FBXL20: variants seen among roughly 807,000 people sequenced by gnomAD.
FBXL20 encodes the protein F-box and leucine rich repeat protein 20.
A neutral mutation model predicts 64.0 loss-of-function variants in FBXL20; 11 were observed. The ratio of observed to expected loss-of-function variants is 0.17; its 90% confidence interval spans 0.11 to 0.28. The LOEUF (loss-of-function observed/expected upper bound fraction) is 0.28. Ranked by LOEUF, FBXL20 falls within the 10% of genes least tolerant of loss-of-function variation. The probability of loss-of-function intolerance (pLI) is 1.00; values close to 1 mark genes in which losing one functional copy is unlikely to be tolerated. For synonymous variants in FBXL20, 184 were observed against 189.0 expected, an observed-to-expected ratio of 0.97 and a Z score of 0.22; for missense variants, 303 against 526.2, an observed-to-expected ratio of 0.58 and a Z score of 4.15.
rs2046736838 is a variant in FBXL20, at chr17:39,260,621, T to C, written c.*839A>G. On this transcript the variant is annotated 3_prime_UTR_variant, in exon 15 of 15. Transcript: ENST00000264658. ...GAATTAAAAAAATATTTATTGATAA[T>C]ATCTTTTTAAAAAATGTTTGGTAAT... 6.6e-6 allele frequency: 1 copy of C among 152,466 alleles called. No individual in the cohort carries two copies. The highest frequency in any genetic ancestry group is 1.5e-5 in the Non-Finnish European group (1 of 68,042). The allele number at this position is 152,466 out of a possible 1,614,324, so 9.4% of individuals were successfully genotyped here.
At chr17:39,286,767 C>T (rs2046991841) in intron 6 of FBXL20, among the ~76,000 whole-genome samples, 1 of 151,880 alleles carries the variant, frequency 6.6e-6, no homozygotes, top group Admixed American at 6.6e-5. Context: ...CATTGCACTC[C>T]AGCCTGGGCA....
At chr17:39,315,043 C>A (rs758805352) in intron 2 of FBXL20, among the ~76,000 whole-genome samples, 1 of 151,784 alleles carries the variant, frequency 6.6e-6, no homozygotes, top group African/African-American at 2.4e-5. Flanking sequence ...GTGATCTGCC[C>A]ACCTCAACCT....
At chr17:39,288,312 G>A (rs187962699) in intron 6 of FBXL20, among the ~76,000 whole-genome samples, 58 of 152,050 alleles carry the variant, frequency 3.8e-4, no homozygotes, top group Admixed American at 1.3e-3. Flanking sequence ...CTATGTCTTC[G>A]GTGAAATGTC....
chr17:39,383,357 A>G (rs2048045231), intron 1 of FBXL20, among the ~76,000 whole-genome samples: 1 of 152,232 alleles, frequency 6.6e-6, no homozygotes, highest in African/African-American at 2.4e-5. Context: ...ATGATGGCTC[A>G]TGCCTATAAT....
At chr17:39,293,540 T>A (rs2047059375) in intron 6 of FBXL20, among the ~76,000 whole-genome samples, 1 of 152,176 alleles carries the variant, frequency 6.6e-6, no homozygotes, top group African/African-American at 2.4e-5. Flanking sequence ...TAAAATAAAA[T>A]AAATAAAAAA....
At chr17:39,396,240 T>A (rs1316934721) in intron 1 of FBXL20, among the ~76,000 whole-genome samples, 1 of 151,988 alleles carries the variant, frequency 6.6e-6, no homozygotes, top group South Asian at 2.1e-4. Context: ...AAAGGTACCT[T>A]AGTGATTGAT....
At chr17:39,293,089 G>A (rs956326012) in intron 6 of FBXL20, among the ~76,000 whole-genome samples, 1 of 152,068 alleles carries the variant, frequency 6.6e-6, no homozygotes, top group Non-Finnish European at 1.5e-5. Flanking sequence ...CACTGTGCCT[G>A]GCCAACATGT....
chr17:39,266,223 GTT>G (rs35541270), intron 12 of FBXL20, among the ~76,000 whole-genome samples: 7 of 110,252 alleles, frequency 6.3e-5, no homozygotes, highest in Non-Finnish European at 4.0e-5. Context: ...CTAGTTTGTT[GTT>G]TTTTTTTTTT....
At chr17:39,373,772 A>G (rs1301716127) in intron 1 of FBXL20, among the ~76,000 whole-genome samples, 1 of 152,240 alleles carries the variant, frequency 6.6e-6, no homozygotes, top group Non-Finnish European at 1.5e-5. Context: ...AGTGCCTTAC[A>G]CATGACAAGC....
chr17:39,353,599 C>CTTAT (rs376084578), intron 1 of FBXL20, among the ~76,000 whole-genome samples: 66,157 of 140,046 alleles, frequency 0.47, 16,009 homozygotes, highest in East Asian at 0.59. Flanking sequence ...ACCACTACAC[C>CTTAT]TTATTTATTT....
intron 9 of FBXL20, among the ~76,000 whole-genome samples, chr17:39,278,388 C>T (rs960821357): frequency 1.3e-5 from 2 of 152,150 alleles, no homozygotes; most frequent in South Asian, 2.1e-4. Context: ...TCAGGTGATT[C>T]ACCCGCCTTG....
At chr17:39,271,919 T>C (rs1289205100) in intron 10 of FBXL20, among the ~76,000 whole-genome samples, 1 of 151,988 alleles carries the variant, frequency 6.6e-6, no homozygotes, top group Non-Finnish European at 1.5e-5. Context: ...AAAATTGAAG[T>C]TAAAGTATAG....
At chr17:39,317,128 CCAAA>C (rs2047300482) in intron 2 of FBXL20, among the ~76,000 whole-genome samples, 1 of 152,172 alleles carries the variant, frequency 6.6e-6, no homozygotes, top group African/African-American at 2.4e-5. Context: ...TGAATTGAAT[CCAAA>C]CAGATTTTTG....
At chr17:39,368,877 G>A (rs1036043170) in intron 1 of FBXL20, among the ~76,000 whole-genome samples, 20 of 151,990 alleles carry the variant, frequency 1.3e-4, no homozygotes, top group African/African-American at 4.6e-4. Context: ...GGATGGTCTC[G>A]ATCTCCTCAC....
chr17:39,284,730 A>G (rs1249591695), intron 7 of FBXL20, among the ~76,000 whole-genome samples: 2 of 152,080 alleles, frequency 1.3e-5, no homozygotes, highest in Non-Finnish European at 2.9e-5. Flanking sequence ...GTTGAGCCAC[A>G]TGTAGCTGTC....
intron 1 of FBXL20, among the ~76,000 whole-genome samples, chr17:39,380,410 C>G (rs2048010641): frequency 6.6e-6 from 1 of 152,200 alleles, no homozygotes; most frequent in African/African-American, 2.4e-5. Flanking sequence ...ACTACAGTAA[C>G]CTACCACTGT....
intron 6 of FBXL20, among the ~76,000 whole-genome samples, chr17:39,293,421 C>T (rs909922907): frequency 1.3e-5 from 2 of 151,810 alleles, no homozygotes; most frequent in African/African-American, 4.8e-5. Context: ...TGGGGTTTCA[C>T]CATGTTGGCC....
At chr17:39,369,021 C>T (rs6503507) in intron 1 of FBXL20, among the ~76,000 whole-genome samples, 57,732 of 151,942 alleles carry the variant, frequency 0.38, 14,088 homozygotes, top group African/African-American at 0.69. Context: ...CTTTCACTCA[C>T]TTTTGTCCCT....
chr17:39,347,201 T>C (rs1031679266), intron 1 of FBXL20, among the ~76,000 whole-genome samples: 3 of 152,226 alleles, frequency 2.0e-5, no homozygotes, highest in Non-Finnish European at 4.4e-5. Context: ...TTTGGGTATA[T>C]ACCCAGTAAT....
Sources: gnomAD v4.1 joint callset for allele counts (sites outside exome capture counted in the v4.1 genomes callset) on GRCh38, gnomAD v4.1.1 for gene constraint, MANE v1.5 for transcripts, NCBI Gene and HGNC (gene_info 2026-07-23, HGNC 2026-07-21) for gene names.